Variants in TCF12 observed in about 807,000 individuals in gnomAD.
The protein encoded by TCF12 is DNA-binding protein HTF4.
A neutral mutation model predicts 86.0 loss-of-function variants in TCF12; 45 were observed. The ratio of observed to expected loss-of-function variants is 0.52; its 90% CI spans 0.41 to 0.67. The LOEUF (loss-of-function observed/expected upper bound fraction) is 0.67, where lower values mean the gene tolerates loss of function less well. Ranked by LOEUF, TCF12 falls within the 30% of genes least tolerant of loss-of-function variation. The pLI is 0.00. For missense variants in TCF12, 881 were observed against 859.9 expected, an observed-to-expected ratio of 1.02 and a Z score of -0.31; for synonymous variants, 330 against 299.6, an observed-to-expected ratio of 1.10 and a Z score of -1.05.
In TCF12 at chr15:57,192,162, G is replaced by A; in HGVS notation, c.395G>A (p.Ser132Asn). 6.2e-7 allele frequency: 1 copy of A among 1,613,702 alleles called. No homozygotes were observed. Among genetic ancestry groups the A allele is most frequent in the Non-Finnish European group, 8.5e-7 (1 of 1,179,936 alleles). ...TTCCTTGGCCTTATTTTATAGTCTAGTCTCCTGAGACAAGATCTGGGGCTT... is the reference window on the plus strand; with the variant it reads ...TTCCTTGGCCTTATTTTATAGTCTAATCTCCTGAGACAAGATCTGGGGCTT... ...RDTGLPGCQS[S>N]LLRQDLGLGS... is the part of the protein sequence containing the mutation. The change falls in exon 7 of 21, where the codon AGT becomes AAT. Residue 132 changes from serine (S) to asparagine (N), a missense_variant. Ser to Asn is a conservative substitution (Grantham distance 46). Around this residue, in one of 3 missense-constraint regions of TCF12, gnomAD observed 766 missense variants for 718.9 expected, o/e 1.07. Transcript: ENST00000333725.
At chr15:57,168,508 T>C (rs528913172) in intron 6 of TCF12, among the ~76,000 whole-genome samples, 1 of 152,366 alleles carries the variant, frequency 6.6e-6, no homozygotes, top group South Asian at 2.1e-4. Flanking sequence ...TTTTGGTCCA[T>C]ATCAAATGTG....
chr15:57,094,198 G>A (rs1305229462), intron 5 of TCF12, among the ~76,000 whole-genome samples: 12 of 152,198 alleles, frequency 7.9e-5, no homozygotes, highest in African/African-American at 1.7e-4. Context: ...CAGACCATAC[G>A]TTTTATTTGT....
intron 12 of TCF12, among the ~76,000 whole-genome samples, chr15:57,241,486 AATAGAGT>A (rs1199989870): frequency 4.6e-5 from 7 of 152,158 alleles, no homozygotes; most frequent in African/African-American, 1.4e-4. Context: ...TAGCTTTTTA[AATAGAGT>A]ATACAGTGTC....
chr15:56,954,771 C>T (rs540860885), intron 3 of TCF12, among the ~76,000 whole-genome samples: 2 of 152,310 alleles, frequency 1.3e-5, no homozygotes, highest in African/African-American at 4.8e-5. Flanking sequence ...TGTGAACAGA[C>T]ACTTCTCAAA....
At chr15:57,013,993 T>G (rs1020550038) in intron 3 of TCF12, among the ~76,000 whole-genome samples, 7 of 152,232 alleles carry the variant, frequency 4.6e-5, no homozygotes, top group Non-Finnish European at 5.9e-5. Context: ...CTCTTAAGTT[T>G]CTGATGGAGA....
chr15:57,283,296 G>A (rs975999718), intron 20 of TCF12, among the ~76,000 whole-genome samples: 7 of 149,376 alleles, frequency 4.7e-5, no homozygotes, highest in Non-Finnish European at 8.9e-5. Flanking sequence ...GTCTCGCTCT[G>A]TTGCCCAGGC....
intron 5 of TCF12, among the ~76,000 whole-genome samples, chr15:57,104,736 A>G (rs1409139311): frequency 1.3e-5 from 2 of 151,694 alleles, no homozygotes; most frequent in African/African-American, 4.8e-5. Flanking sequence ...GTGCCTGGCC[A>G]TAAATCTTTA....
At chr15:57,176,862 T>A (rs2055950819) in intron 6 of TCF12, among the ~76,000 whole-genome samples, 2 of 152,000 alleles carry the variant, frequency 1.3e-5, no homozygotes, top group Admixed American at 6.6e-5. Flanking sequence ...TGTCAAAGAG[T>A]TGAATATTGG....
chr15:57,123,996 T>C (rs1484103118), intron 5 of TCF12, among the ~76,000 whole-genome samples: 1 of 126,218 alleles, frequency 7.9e-6, no homozygotes, highest in Non-Finnish European at 1.7e-5. Flanking sequence ...TTTTTTTTTT[T>C]CCATAGGGAC....
intron 3 of TCF12, among the ~76,000 whole-genome samples, chr15:57,044,410 T>C (rs2067094673): frequency 6.6e-6 from 1 of 152,106 alleles, no homozygotes; most frequent in Non-Finnish European, 1.5e-5. Context: ...AAAAAAAATT[T>C]ACCTGTGGAT....
intron 8 of TCF12, among the ~76,000 whole-genome samples, chr15:57,208,973 C>T (rs555530328): frequency 2.6e-5 from 4 of 152,314 alleles, no homozygotes; most frequent in African/African-American, 9.6e-5. Context: ...ATCTTGGCCT[C>T]CCAAAGTGCT....
intron 4 of TCF12, among the ~76,000 whole-genome samples, chr15:57,091,362 G>A (rs1327047963): frequency 1.3e-5 from 2 of 152,066 alleles, no homozygotes; most frequent in South Asian, 2.1e-4. Flanking sequence ...ATAAAGATAA[G>A]CATTTCCCTA....
At chr15:56,937,933 AT>A (rs2060539430) in intron 3 of TCF12, among the ~76,000 whole-genome samples, 1 of 150,368 alleles carries the variant, frequency 6.7e-6, no homozygotes, top group Admixed American at 6.6e-5. Flanking sequence ...TCTTTTTGAT[AT>A]ACTGTTTGAT....
chr15:57,171,299 G>A (rs966023841), intron 6 of TCF12, among the ~76,000 whole-genome samples: 1 of 151,804 alleles, frequency 6.6e-6, no homozygotes, highest in Non-Finnish European at 1.5e-5. Context: ...ATTCAGCAGA[G>A]TGGAAAGATT....
intron 5 of TCF12, among the ~76,000 whole-genome samples, chr15:57,158,887 T>G (rs75681209): frequency 0.04 from 6,111 of 152,314 alleles, 374 homozygotes; most frequent in Admixed American, 0.17. Context: ...GCATCTTCAC[T>G]GTAGCCAGCA....
chr15:57,112,063 G>T (rs965161835), intron 5 of TCF12, among the ~76,000 whole-genome samples: 1 of 152,162 alleles, frequency 6.6e-6, no homozygotes, highest in African/African-American at 2.4e-5. Flanking sequence ...TATTTTCCAT[G>T]TGATTTAGAA....
chr15:57,275,365 C>CGTGTGTGTGTGTGT (rs1555417715), intron 19 of TCF12, among the ~76,000 whole-genome samples: 3 of 82,498 alleles, frequency 3.6e-5, no homozygotes, highest in South Asian at 4.1e-4. Context: ...TGTGTGTGTA[C>CGTGTGTGTGTGTGT]GTATGTAGAG....
intron 5 of TCF12, among the ~76,000 whole-genome samples, chr15:57,135,588 T>C (rs1883010183): frequency 6.6e-6 from 1 of 152,192 alleles, no homozygotes; most frequent in South Asian, 2.1e-4. Context: ...GCTTATTAAA[T>C]AGTAGCCCTC....
At position 57,047,931 on chromosome 15, in the gene TCF12, A is replaced by G. The variant is rs140738801; in HGVS notation, c.149-15819A>G. On this transcript the variant is annotated intron_variant, in intron 3 of 20. Coordinates refer to ENST00000333725, the MANE Select transcript of TCF12 (RefSeq NM_207037.2). ...TTCTTAGACTACAAACCAGTACCCTATGACTGTACTGAATACAGTGGGCAG... is the reference window on the plus strand; with the variant it reads ...TTCTTAGACTACAAACCAGTACCCTGTGACTGTACTGAATACAGTGGGCAG... Among the ~76,000 whole-genome samples the G allele has an allele frequency of 3.9e-5, 6 of 152,332 alleles. No homozygotes were observed. The East Asian group carries it at 1.2e-3, about 29-fold the overall frequency.
Sources: allele counts gnomAD v4.1 joint callset (sites outside exome capture counted in the v4.1 genomes callset), GRCh38; gene constraint gnomAD v4.1.1; regional missense constraint gnomAD v4.1.1; transcripts MANE v1.5; gene names NCBI Gene and HGNC (gene_info 2026-07-23, HGNC 2026-07-21).